RNF144A: variants seen among roughly 807,000 people sequenced by gnomAD.
The protein encoded by RNF144A is E3 ubiquitin-protein ligase RNF144A.
Under a neutral mutation model 38.7 loss-of-function variants are expected in RNF144A, and 11 were observed. The ratio of observed to expected loss-of-function variants is 0.28; its 90% confidence interval spans 0.18 to 0.47. RNF144A has a LOEUF of 0.47. Ranked by LOEUF, RNF144A falls within the 20% of genes least tolerant of loss-of-function variation. The probability of loss-of-function intolerance (pLI) is 0.99; values close to 1 mark genes in which losing one functional copy is unlikely to be tolerated. For missense variants in RNF144A, 316 were observed against 377.2 expected, an observed-to-expected ratio of 0.84 and a Z score of 1.34; for synonymous variants, 149 against 143.9, an observed-to-expected ratio of 1.04 and a Z score of -0.25.
At chr2:7,006,612 G>T (rs750544870) in intron 3 of RNF144A, among the ~76,000 whole-genome samples, 1 of 152,030 alleles carries the variant, frequency 6.6e-6, no homozygotes, top group Non-Finnish European at 1.5e-5. Context: ...CCAACCCCGA[G>T]CCCCTTCACT....
intron 6 of RNF144A, among the ~76,000 whole-genome samples, chr2:7,021,640 T>C (rs1279095661): frequency 6.6e-6 from 1 of 152,242 alleles, no homozygotes; most frequent in Non-Finnish European, 1.5e-5. Flanking sequence ...CTCCACCCTC[T>C]GTGTTCCCCC....
At chr2:7,018,361 A>G (rs1671279867) in intron 5 of RNF144A, among the ~76,000 whole-genome samples, 2 of 152,332 alleles carry the variant, frequency 1.3e-5, no homozygotes, top group Non-Finnish European at 2.9e-5. Context: ...CTCCTATCTC[A>G]TCAGGGACAA....
intron 2 of RNF144A, among the ~76,000 whole-genome samples, chr2:6,992,486 T>C (rs1669459737): frequency 6.6e-6 from 1 of 151,964 alleles, no homozygotes; most frequent in South Asian, 2.1e-4. Context: ...TGTGAAGGGT[T>C]TGTAGGGTGT....
intron 8 of RNF144A, among the ~76,000 whole-genome samples, chr2:7,031,313 A>T (rs886511724): frequency 4.6e-5 from 7 of 152,104 alleles, no homozygotes; most frequent in African/African-American, 1.7e-4. Context: ...GGAGCTGGAG[A>T]TACAGTGGTG....
intron 2 of RNF144A, among the ~76,000 whole-genome samples, chr2:6,971,359 G>A (rs896812097): frequency 2.0e-5 from 3 of 152,198 alleles, no homozygotes; most frequent in Non-Finnish European, 4.4e-5. Flanking sequence ...CCAGTGATCA[G>A]GCTGTCTAGT....
Position 7,042,001 on chromosome 2 carries a change from A to T in RNF144A, c.*2241A>T, listed in dbSNP as rs192847527. 2 of 985,414 alleles carry T rather than the reference A, an allele frequency of 2.0e-6. No homozygotes were observed. Among genetic ancestry groups the T allele is most frequent in the African/African-American group, 3.5e-5 (2 of 57,342 alleles). 61.0% of individuals were successfully genotyped at this position (985,414 alleles called of 1,614,324 possible). ...TTCACAAGCACGTAGTTCAACCCAG[A>T]TAGGGACCACAGAGATTCTGGGGCC... is the stretch of plus-strand genomic sequence containing the variant. On this transcript the variant is annotated 3_prime_UTR_variant, in exon 9 of 9. Transcript: ENST00000320892.
In RNF144A at chr2:7,040,583, T is replaced by A; in HGVS notation, c.*823T>A. ...CAGCTCATGGGCCTCATCCCTTCTC[T>A]CCCAGGTAGCAGAAAACGCTTTTTA... On this transcript the variant is annotated 3_prime_UTR_variant, in exon 9 of 9. Transcript: ENST00000320892. The A allele has an allele frequency of 3.0e-6, 3 of 985,428 alleles. No individual in the cohort carries two copies. Among genetic ancestry groups the A allele is most frequent in the Non-Finnish European group, 3.6e-6 (3 of 829,904 alleles). 61.0% of individuals were successfully genotyped at this position (985,428 alleles called of 1,614,324 possible).
chr2:7,052,216 G>A (rs1198517228), intron 6 of RNF144A, among the ~76,000 whole-genome samples: 1 of 152,130 alleles, frequency 6.6e-6, no homozygotes, highest in Non-Finnish European at 1.5e-5. Flanking sequence ...TGGCAAACAT[G>A]AGAAAAGGCT....
In RNF144A at chr2:6,945,576, C is replaced by T. The variant is rs532896814; in HGVS notation, c.-12+4429C>T. On this transcript the variant is annotated intron_variant, in intron 2 of 8. Coordinates refer to ENST00000320892, the MANE Select transcript of RNF144A (RefSeq NM_014746.6). ...AACAGCAAGTGCCTGTTTTCTAGGG[C>T]GGTATAGATTTCTCTAGAAAGATCA... Among the ~76,000 whole-genome samples, 67 of 152,196 alleles carry T rather than the reference C, an allele frequency of 4.4e-4. 2 individuals are homozygous for T. Among genetic ancestry groups the T allele is most frequent in the African/African-American group, 1.2e-3 (50 of 41,522 alleles).
Position 7,040,161 on chromosome 2 carries a change from G to A in RNF144A, c.*401G>A. 2 of 994,734 alleles carry A rather than the reference G, an allele frequency of 2.0e-6. No homozygotes were observed. Among genetic ancestry groups the A allele is most frequent in the Non-Finnish European group, 2.4e-6 (2 of 836,310 alleles). The allele number at this position is 994,734 out of a possible 1,614,324, so 61.6% of individuals were successfully genotyped here. A position where few individuals can be genotyped will look rare whatever the true frequency, so the allele number is the denominator to read the frequency against. On this transcript the variant is annotated 3_prime_UTR_variant, in exon 9 of 9. Coordinates refer to ENST00000320892, the MANE Select transcript of RNF144A (RefSeq NM_014746.6). The stretch of plus-strand genomic sequence containing the variant: ...TAAGGACTGCCACTCTCTTCAGACA[G>A]AATCTGATTATTCCAGCTTGAGAGA...
chr2:6,942,614 T>C (rs989241124), intron 2 of RNF144A, among the ~76,000 whole-genome samples: 1 of 152,188 alleles, frequency 6.6e-6, no homozygotes, highest in Non-Finnish European at 1.5e-5. Flanking sequence ...TCCAGGCACT[T>C]TAGTTTGAGT....
At chr2:6,985,669 G>T (rs1180099507) in intron 2 of RNF144A, among the ~76,000 whole-genome samples, 3 of 152,080 alleles carry the variant, frequency 2.0e-5, no homozygotes, top group Non-Finnish European at 4.4e-5. Context: ...AAATTGGAAA[G>T]GATGTTTTAT....
At chr2:7,012,109 T>G (rs1318008695) in intron 3 of RNF144A, among the ~76,000 whole-genome samples, 2 of 152,328 alleles carry the variant, frequency 1.3e-5, no homozygotes, top group Middle Eastern at 3.4e-3. Flanking sequence ...GCATCGTATA[T>G]TGGTTTAACG....
Position 7,002,365 on chromosome 2 carries a change from C to T in RNF144A, c.135+5304C>T, listed in dbSNP as rs147097130. On this transcript the variant is annotated intron_variant, in intron 3 of 8. Transcript: ENST00000320892. ...CAGCATTAGATGCAGGTGTGGGCTG[C>T]GATCATTTGGGGCTTGAAGGGCTAG... Among the ~76,000 whole-genome samples the T allele has an allele frequency of 6.4e-4, 97 of 152,246 alleles. 2 individuals carry two copies. The highest frequency in any genetic ancestry group is 6.0e-3 in the East Asian group (31 of 5,192).
At chr2:7,066,234 C>T (rs1026389836) in intron 6 of RNF144A, among the ~76,000 whole-genome samples, 2 of 152,000 alleles carry the variant, frequency 1.3e-5, no homozygotes, top group African/African-American at 4.8e-5. Context: ...ACTACAGGCG[C>T]CCACTATCAC....
intron 3 of RNF144A, among the ~76,000 whole-genome samples, chr2:7,003,735 G>A (rs1670264076): frequency 6.6e-6 from 1 of 152,256 alleles, no homozygotes; most frequent in African/African-American, 2.4e-5. Context: ...CTCCAGACTA[G>A]CTGTATGTGA....
At chr2:7,014,583 C>A in intron 4 of RNF144A, 25 bp downstream of exon 4, 1 of 1,563,050 alleles carries the variant, frequency 6.4e-7, no homozygotes, top group Non-Finnish European at 8.8e-7. Flanking sequence ...ACAGACTGGG[C>A]TGTTTGATGT....
intron 2 of RNF144A, among the ~76,000 whole-genome samples, chr2:6,961,672 G>A (rs941699262): frequency 6.6e-6 from 1 of 152,150 alleles, no homozygotes; most frequent in Non-Finnish European, 1.5e-5. Context: ...TTCATGTCTG[G>A]CACATGACTT....
intron 3 of RNF144A, among the ~76,000 whole-genome samples, chr2:7,008,468 TG>T (rs1670591263): frequency 6.6e-6 from 1 of 151,988 alleles, no homozygotes; most frequent in South Asian, 2.1e-4. Flanking sequence ...CTGCCCCGAG[TG>T]GGTTCTTATA....
Sources: gnomAD v4.1 joint callset for allele counts (sites outside exome capture counted in the v4.1 genomes callset) on GRCh38, gnomAD v4.1.1 for gene constraint, MANE v1.5 for transcripts, NCBI Gene and HGNC (gene_info 2026-07-23, HGNC 2026-07-21) for gene names.